Variants in SMAD2 observed in about 807,000 individuals in gnomAD.
The protein encoded by SMAD2 is MAD homolog 2.
A neutral mutation model predicts 64.4 loss-of-function variants in SMAD2; 8 were observed. That is an observed-to-expected ratio of 0.12 (90% CI 0.07 to 0.22). SMAD2 has a LOEUF of 0.22. SMAD2 is among the 10% of genes least tolerant of loss of function. The probability of loss-of-function intolerance (pLI) is 1.00; values close to 1 mark genes in which losing one functional copy is unlikely to be tolerated. For missense variants in SMAD2, 289 were observed against 561.2 expected, an observed-to-expected ratio of 0.51 and a Z score of 4.90; for synonymous variants, 203 against 195.8, an observed-to-expected ratio of 1.04 and a Z score of -0.31.
intron 1 of SMAD2, among the ~76,000 whole-genome samples, chr18:47,904,731 A>C (rs1430579823): frequency 2.0e-5 from 3 of 152,238 alleles, no homozygotes; most frequent in Non-Finnish European, 4.4e-5. Flanking sequence ...ACATTCAAAA[A>C]TCAAGCACCT....
intron 9 of SMAD2, 49 bp from the exon 10 acceptor site, chr18:47,845,533 A>ATTAAT: frequency 2.5e-6 from 4 of 1,595,024 alleles, no homozygotes; most frequent in Non-Finnish European, 3.4e-6. Flanking sequence ...ATCATTATTA[A>ATTAAT]AAAGTAATTT....
At chr18:47,870,632 T>A (rs1303355074) in intron 2 of SMAD2, 68 bp from the exon 3 acceptor site, 5 of 982,534 alleles carry the variant, frequency 5.1e-6, no homozygotes, top group Non-Finnish European at 6.6e-6. Flanking sequence ...AATACCATGA[T>A]GTAAAACATG....
At position 47,841,452 on chromosome 18, in the gene SMAD2, C is replaced by T; in HGVS notation, c.*375G>A. On this transcript the variant is annotated 3_prime_UTR_variant, in exon 11 of 11. Transcript: ENST00000262160. ...CAAGAAGCAGCGCACACACACACCT[C>T]ATCTATGCAAACTAAAAATGTATAT... The T allele has an allele frequency of 2.8e-6, 1 of 362,520 alleles. No individual in the cohort carries two copies. Among genetic ancestry groups the T allele is most frequent in the South Asian group, 4.1e-5 (1 of 24,598 alleles). 22.5% of individuals were successfully genotyped at this position (362,520 alleles called of 1,614,324 possible). A position where few individuals can be genotyped will look rare whatever the true frequency, so the allele number is the denominator to read the frequency against.
chr18:47,888,229 G>C (rs183614018), intron 2 of SMAD2, among the ~76,000 whole-genome samples: 2 of 152,258 alleles, frequency 1.3e-5, no homozygotes, highest in African/African-American at 4.8e-5. Context: ...AAAGACAATG[G>C]AGAGCTATCA....
rs963722133 is a variant in SMAD2, at chr18:47,818,051, T to G, written c.*23776A>C. 1 of 152,260 alleles carries G rather than the reference T, an allele frequency of 6.6e-6. No homozygotes were observed. Among genetic ancestry groups the G allele is most frequent in the Non-Finnish European group, 1.5e-5 (1 of 68,054 alleles). The allele number at this position is 152,260 out of a possible 1,614,324, so 9.4% of individuals were successfully genotyped here. A position where few individuals can be genotyped will look rare whatever the true frequency, so the allele number is the denominator to read the frequency against. On this transcript the variant is annotated 3_prime_UTR_variant, in exon 11 of 11. Coordinates refer to ENST00000262160, the MANE Select transcript of SMAD2 (RefSeq NM_005901.6). ...TTGGATCAATGACCATCATAGAGAT[T>G]GTCTATGCTTTGTCTAAACTCCCCA...
intron 1 of SMAD2, among the ~76,000 whole-genome samples, chr18:47,913,040 C>T (rs2034201554): frequency 6.6e-6 from 1 of 152,028 alleles, no homozygotes; most frequent in Admixed American, 6.6e-5. Context: ...CTGCCTCAGC[C>T]TCCGGAGTAG....
At chr18:47,850,849 T>TTG (rs2029967749) in intron 7 of SMAD2, among the ~76,000 whole-genome samples, 1 of 12,784 alleles carries the variant, frequency 7.8e-5, no homozygotes, top group South Asian at 3.0e-3. Flanking sequence ...ATATTATATA[T>TTG]TATATATATT....
intron 2 of SMAD2, among the ~76,000 whole-genome samples, chr18:47,880,122 C>G (rs952060789): frequency 2.0e-5 from 3 of 152,112 alleles, no homozygotes; most frequent in African/African-American, 7.2e-5. Context: ...TATTTTTTAA[C>G]AATGTATTTT....
rs1912316499 is a variant in SMAD2, at chr18:47,814,828, C to G, written c.*26999G>C. 1 of 152,296 alleles carries G rather than the reference C, an allele frequency of 6.6e-6. No homozygotes were observed. The highest frequency in any genetic ancestry group is 1.5e-5 in the Non-Finnish European group (1 of 68,110). 9.4% of individuals were successfully genotyped at this position (152,296 alleles called of 1,614,324 possible). A position where few individuals can be genotyped will look rare whatever the true frequency, so the allele number is the denominator to read the frequency against. On this transcript the variant is annotated 3_prime_UTR_variant, in exon 11 of 11. Coordinates refer to ENST00000262160, the MANE Select transcript of SMAD2 (RefSeq NM_005901.6). ...ACATCCCAAAGTTCCAACATCATCC[C>G]TTCCCACCCACTCCAAAGCCCAGCA...
intron 2 of SMAD2, among the ~76,000 whole-genome samples, chr18:47,889,905 G>C (rs905124569): frequency 6.6e-6 from 1 of 152,016 alleles, no homozygotes; most frequent in African/African-American, 2.4e-5. Context: ...AAGAAAAGAG[G>C]GTATATTGTT....
intron 2 of SMAD2, among the ~76,000 whole-genome samples, chr18:47,888,867 C>T (rs907131915): frequency 3.3e-5 from 5 of 151,984 alleles, no homozygotes. Context: ...AACAGATGAT[C>T]CAGACATTAG....
At chr18:47,872,487 A>G (rs193046355) in intron 2 of SMAD2, among the ~76,000 whole-genome samples, 1 of 152,312 alleles carries the variant, frequency 6.6e-6, no homozygotes, top group Admixed American at 6.5e-5. Flanking sequence ...CAGCATTTAC[A>G]ATGTATTACA....
chr18:47,910,740 C>T (rs1029776240), intron 1 of SMAD2, among the ~76,000 whole-genome samples: 2 of 152,088 alleles, frequency 1.3e-5, no homozygotes, highest in African/African-American at 4.8e-5. Flanking sequence ...TAGTAGGTTT[C>T]TTTTCTCTAG....
rs1912452314 is a variant in SMAD2 at position 47,818,585 on chromosome 18, C to T, written c.*23242G>A. On this transcript the variant is annotated 3_prime_UTR_variant, in exon 11 of 11. Transcript: ENST00000262160. ...TAAAATGCTTCCCTGCCTGCACTGA[C>T]TAGTCAAAAAAACCAGAATGGCAAA... 1 of 152,176 alleles carries T rather than the reference C, an allele frequency of 6.6e-6. No homozygotes were observed. Among genetic ancestry groups the T allele is most frequent in the South Asian group, 2.1e-4 (1 of 4,836 alleles). 9.4% of individuals were successfully genotyped at this position (152,176 alleles called of 1,614,324 possible). A position where few individuals can be genotyped will look rare whatever the true frequency, so the allele number is the denominator to read the frequency against.
intron 1 of SMAD2, among the ~76,000 whole-genome samples, chr18:47,910,804 CTG>C (rs912232960): frequency 6.6e-6 from 1 of 152,100 alleles, no homozygotes; most frequent in African/African-American, 2.4e-5. Context: ...GGTTAATCAA[CTG>C]TTTATGTATT....
chr18:47,852,509 G>GTT (rs759375568), intron 6 of SMAD2, among the ~76,000 whole-genome samples: 6 of 152,258 alleles, frequency 3.9e-5, no homozygotes, highest in Non-Finnish European at 8.8e-5. Context: ...TGAGTGCTAT[G>GTT]TTTGTAAGGC....
At chr18:47,909,383 G>A (rs1042885412) in intron 1 of SMAD2, among the ~76,000 whole-genome samples, 2 of 152,172 alleles carry the variant, frequency 1.3e-5, no homozygotes, top group African/African-American at 4.8e-5. Flanking sequence ...CAGGAAAGGA[G>A]CTTCTGTCAA....
At chr18:47,885,880 G>A (rs542590482) in intron 2 of SMAD2, among the ~76,000 whole-genome samples, 19 of 152,196 alleles carry the variant, frequency 1.2e-4, no homozygotes, top group Admixed American at 4.6e-4. Context: ...GAGGATCACC[G>A]GAGCCCAGGA....
At chr18:47,917,028 T>C (rs189224002) in intron 1 of SMAD2, among the ~76,000 whole-genome samples, 2 of 152,302 alleles carry the variant, frequency 1.3e-5, no homozygotes, top group Admixed American at 1.3e-4. Context: ...ACTATTTTTG[T>C]TGTCGTTGTT....
Sources: allele counts gnomAD v4.1 joint callset (sites outside exome capture counted in the v4.1 genomes callset), GRCh38; gene constraint gnomAD v4.1.1; transcripts MANE v1.5; gene names NCBI Gene and HGNC (gene_info 2026-07-23, HGNC 2026-07-21).